Variants in DROSHA observed in about 807,000 individuals in gnomAD.
DROSHA encodes ribonuclease 3.
A neutral mutation model predicts 181.9 loss-of-function variants in DROSHA; 56 were observed. The observed-to-expected ratio is 0.31, with a 90% CI of 0.25 to 0.38. The LOEUF (loss-of-function observed/expected upper bound fraction) is 0.38, where lower values mean the gene tolerates loss of function less well. DROSHA is among the 10% of genes least tolerant of loss of function. DROSHA has a pLI of 1.00. For missense variants in DROSHA, 1,218 were observed against 1,743.5 expected (o/e 0.70, Z 5.37); for synonymous variants, 524 against 591.2 (o/e 0.89, Z 1.65).
At chr5:31,458,340 A>T (rs990730380) in intron 20 of DROSHA, among the ~76,000 whole-genome samples, 3 of 152,226 alleles carry the variant, frequency 2.0e-5, no homozygotes, top group African/African-American at 7.2e-5. Flanking sequence ...TTAAATTGCT[A>T]ATCTGGGACT....
At chr5:31,455,920 T>G (rs1361573867) in intron 20 of DROSHA, among the ~76,000 whole-genome samples, 1 of 152,062 alleles carries the variant, frequency 6.6e-6, no homozygotes, top group Non-Finnish European at 1.5e-5. Flanking sequence ...GGGATTACAG[T>G]TGTGAGTACC....
rs546318096 is a variant in DROSHA, at chr5:31,470,198, C to T, written c.2241+1865G>A. On this transcript the variant is annotated intron_variant, in intron 17 of 35. Transcript: ENST00000344624. This position sits in a 1 kb window ranked among gnomAD's most constrained non-coding sequence, Gnocchi z 4.0. ...TAGGTCTGACTTCATGTTGTTAATA[C>T]TGGCTTTACAGCATCTCAAGGATGC... Among the ~76,000 whole-genome samples the T allele has an allele frequency of 2.0e-5, 3 of 152,316 alleles. No individual in the cohort carries two copies. In the East Asian group the frequency reaches 5.8e-4, roughly 29 times the overall value.
intron 20 of DROSHA, among the ~76,000 whole-genome samples, chr5:31,462,667 G>GAAA (rs398108781): frequency 4.5e-5 from 6 of 132,826 alleles, no homozygotes; most frequent in African/African-American, 1.7e-4. Flanking sequence ...CAATGCTTCA[G>GAAA]AAAAAAAAAA....
At chr5:31,436,389 A>T (rs970662261) in intron 24 of DROSHA, among the ~76,000 whole-genome samples, 14 of 138,252 alleles carry the variant, frequency 1.0e-4, no homozygotes, top group Non-Finnish European at 1.5e-4. Flanking sequence ...TCCTGCCCCT[A>T]TTCCTTTTTT....
chr5:31,476,721 A>G (rs1019373381), intron 16 of DROSHA, among the ~76,000 whole-genome samples: 1 of 152,188 alleles, frequency 6.6e-6, no homozygotes, highest in Non-Finnish European at 1.5e-5. Context: ...CTCGATTTCC[A>G]TGGAAAGGTA....
At chr5:31,475,416 C>G (rs1750252205) in intron 16 of DROSHA, among the ~76,000 whole-genome samples, 1 of 152,194 alleles carries the variant, frequency 6.6e-6, no homozygotes, top group Admixed American at 6.5e-5. Flanking sequence ...AGGAGCCCAG[C>G]AAACCCACAA....
intron 3 of DROSHA, among the ~76,000 whole-genome samples, chr5:31,530,581 G>C (rs1400356813): frequency 7.0e-6 from 1 of 142,236 alleles, no homozygotes; most frequent in Non-Finnish European, 1.5e-5. Context: ...AGTGAGTTCA[G>C]ATCGCGCCAT....
intron 5 of DROSHA, among the ~76,000 whole-genome samples, chr5:31,525,575 G>A (rs184494716): frequency 3.1e-4 from 45 of 147,194 alleles, no homozygotes; most frequent in African/African-American, 7.3e-4. Flanking sequence ...ATCTTACTTC[G>A]TTTTACAAAG....
intron 23 of DROSHA, among the ~76,000 whole-genome samples, chr5:31,446,948 G>A (rs1746380091): frequency 6.6e-6 from 1 of 152,150 alleles, no homozygotes; most frequent in Admixed American, 6.5e-5. Context: ...TCTGAGGCGT[G>A]AGAATCGCTT....
chr5:31,515,102 G>A lies in DROSHA; in HGVS notation c.1176C>T (p.Pro392=), dbSNP rs745865282. ...CATTCTTGTCAGGCATGGTCTCCTC[G>A]GGCTCTTTTTCCTTGATTGAGGTAT... The part of the protein sequence containing the change: ...KNYTSIKEKE[P]EETMPDKNEE... Residue 392 remains proline, a synonymous_variant, in exon 8 of 36, where the codon CCC becomes CCT. Coordinates refer to ENST00000344624, the MANE Select transcript of DROSHA (RefSeq NM_001382508.1). The A allele has an allele frequency of 2.4e-5, 39 of 1,613,730 alleles. No individual in the cohort carries two copies. The highest frequency in any genetic ancestry group is 1.3e-4 in the South Asian group (12 of 91,068).
intron 22 of DROSHA, 41 bp downstream of exon 22, chr5:31,449,240 C>T: frequency 6.2e-7 from 1 of 1,608,568 alleles, no homozygotes; most frequent in Non-Finnish European, 8.5e-7. Flanking sequence ...AAAACACAGG[C>T]CAAAATAGGA....
At chr5:31,430,760 G>A (rs1744076658) in intron 26 of DROSHA, among the ~76,000 whole-genome samples, 1 of 152,166 alleles carries the variant, frequency 6.6e-6, no homozygotes, top group South Asian at 2.1e-4. Context: ...AAAGACTGTG[G>A]ATAATTATTA....
chr5:31,411,034 G>T lies in DROSHA; in HGVS notation c.3526-147C>A. The T allele has an allele frequency of 8.9e-7, 1 of 1,128,496 alleles. No homozygotes were observed. The highest frequency in any genetic ancestry group is 1.3e-6 in the Non-Finnish European group (1 of 796,468). 69.9% of individuals were successfully genotyped at this position (1,128,496 alleles called of 1,614,324 possible). A position where few individuals can be genotyped will look rare whatever the true frequency, so the allele number is the denominator to read the frequency against. On this transcript the variant is annotated intron_variant, in intron 30 of 35. Coordinates refer to ENST00000344624, the MANE Select transcript of DROSHA (RefSeq NM_001382508.1). The surrounding 1 kb of genome is among the most constrained non-coding windows in gnomAD (Gnocchi z 4.2). The stretch of plus-strand genomic sequence containing the variant: ...CTATGGCCTCAACCATCACCCAGAT[G>T]ACAGTGATATGCTCCATGCCCATTT...
intron 20 of DROSHA, among the ~76,000 whole-genome samples, chr5:31,456,846 C>CA (rs1747727662): frequency 6.6e-6 from 1 of 152,042 alleles, no homozygotes; most frequent in Non-Finnish European, 1.5e-5. Flanking sequence ...ACTGCAGCCC[C>CA]AAACTCCTGG....
intron 34 of DROSHA, 105 bp from the exon 35 acceptor site, chr5:31,405,828 T>C: frequency 3.8e-6 from 4 of 1,043,762 alleles, no homozygotes; most frequent in Non-Finnish European, 5.4e-6. Context: ...TCTTTCAGGC[T>C]GATTTTCACG....
In DROSHA at chr5:31,526,302, G is replaced by T. The variant is rs202227062; in HGVS notation, c.631C>A (p.Pro211Thr). Reference sequence around the variant, plus strand: ...CTCTCACTGGGAGCCTTTGGGAGTGGGTATGGAGGGAGATGTCTGAAATGA... The same window carrying T: ...CTCTCACTGGGAGCCTTTGGGAGTGTGTATGGAGGGAGATGTCTGAAATGA... ...SPHFRHLPPY[P>T]LPKAPSERRS... The change falls in exon 5 of 36, where the codon CCA becomes ACA. Residue 211 changes from proline (P) to threonine (T), a missense_variant. Pro to Thr is a conservative substitution (Grantham distance 38). Coordinates refer to ENST00000344624, the MANE Select transcript of DROSHA (RefSeq NM_001382508.1). 193 of 1,613,756 alleles carry T rather than the reference G, an allele frequency of 1.2e-4. No homozygotes were observed. Among genetic ancestry groups the T allele is most frequent in the Non-Finnish European group, 1.5e-4 (172 of 1,179,880 alleles).
chr5:31,453,704 A>G (rs1747303700), intron 20 of DROSHA, among the ~76,000 whole-genome samples: 2 of 152,028 alleles, frequency 1.3e-5, no homozygotes, highest in African/African-American at 4.8e-5. Flanking sequence ...CTTCCTCTAA[A>G]CCTGCTCCAA....
chr5:31,432,428 G>C (rs1455449925), intron 25 of DROSHA, among the ~76,000 whole-genome samples: 1 of 152,134 alleles, frequency 6.6e-6, no homozygotes, highest in East Asian at 1.9e-4. Flanking sequence ...CACCACGCCT[G>C]GCCCAAAATA....
chr5:31,422,967 A>T, intron 28 of DROSHA, 23 bp from the exon 29 acceptor site: 1 of 1,495,652 alleles, frequency 6.7e-7, no homozygotes, highest in African/African-American at 1.4e-5. Context: ...AGAAATAAAT[A>T]AAAATCATTT....
Sources: gnomAD v4.1 joint callset for allele counts (sites outside exome capture counted in the v4.1 genomes callset) on GRCh38, gnomAD v4.1.1 for gene constraint, Gnocchi (gnomAD v3.1) non-coding constraint, MANE v1.5 for transcripts, NCBI Gene and HGNC (gene_info 2026-07-23, HGNC 2026-07-21) for gene names.